POT1: variants seen among roughly 807,000 people sequenced by gnomAD.
The protein encoded by POT1 is protection of telomeres 1.
Under a neutral mutation model 78.5 loss-of-function variants are expected in POT1, and 47 were observed. The observed-to-expected ratio is 0.60, with a 90% CI of 0.47 to 0.76. The LOEUF (loss-of-function observed/expected upper bound fraction) is 0.76, where lower values mean the gene tolerates loss of function less well. Ranked by LOEUF, POT1 falls within the 30% of genes least tolerant of loss-of-function variation. The pLI is 0.00. For synonymous variants in POT1, 259 were observed against 260.7 expected (o/e 0.99, Z 0.06); for missense variants, 646 against 749.9 (o/e 0.86, Z 1.62).
intron 18 of POT1, among the ~76,000 whole-genome samples, chr7:124,824,700 A>G (rs944674179): frequency 1.3e-5 from 2 of 152,126 alleles, no homozygotes; most frequent in South Asian, 4.1e-4. Context: ...AAGTTTCAAC[A>G]TAAGTACAAA....
chr7:124,919,598 C>T (rs1235945537), intron 2 of POT1, among the ~76,000 whole-genome samples: 1 of 151,980 alleles, frequency 6.6e-6, no homozygotes, highest in Non-Finnish European at 1.5e-5. Flanking sequence ...CACACAGAAA[C>T]ACAACAGAGT....
At chr7:124,833,872 T>C (rs148726970) in intron 15 of POT1, among the ~76,000 whole-genome samples, 116 of 152,340 alleles carry the variant, frequency 7.6e-4, no homozygotes, top group Non-Finnish European at 1.3e-4. Context: ...ATGCTGAACA[T>C]ATAGTAACCA....
intron 9 of POT1, among the ~76,000 whole-genome samples, chr7:124,855,808 T>C (rs901598798): frequency 6.6e-6 from 1 of 152,018 alleles, no homozygotes; most frequent in African/African-American, 2.4e-5. Context: ...TGAATATGTC[T>C]CAAAATAGCC....
At position 124,910,764 on chromosome 7, in the gene POT1, T is replaced by C. The variant is rs189775673; in HGVS notation, c.-154+4810A>G. ...ACATCATACCTCAAAACATCTAAAA[T>C]GTTAACTAGAAAAACCCTTTAAGTT... On this transcript the variant is annotated intron_variant, in intron 3 of 18. Coordinates refer to ENST00000357628, the MANE Select transcript of POT1 (RefSeq NM_015450.3). 2.5e-3 allele frequency among the ~76,000 whole-genome samples: 377 copies of C among 152,094 alleles called. 1 individual carries two copies. Among genetic ancestry groups the C allele is most frequent in the African/African-American group, 8.9e-3 (368 of 41,568 alleles).
intron 17 of POT1, 96 bp downstream of exon 17, chr7:124,827,118 A>C: frequency 1.7e-6 from 1 of 581,782 alleles, no homozygotes; most frequent in Non-Finnish European, 2.6e-6. Flanking sequence ...AGGTGCCTTA[A>C]GTCCTTTTAG....
intron 2 of POT1, among the ~76,000 whole-genome samples, chr7:124,921,683 CAAAG>C (rs1425991852): frequency 1.3e-5 from 2 of 151,724 alleles, no homozygotes; most frequent in Non-Finnish European, 2.9e-5. Flanking sequence ...TCAGTGAACT[CAAAG>C]AGAGAGCAAC....
chr7:124,904,542 C>A (rs964884619), intron 3 of POT1, among the ~76,000 whole-genome samples: 1 of 152,148 alleles, frequency 6.6e-6, no homozygotes, highest in African/African-American at 2.4e-5. Flanking sequence ...CAATATCATA[C>A]TGAATGGGCA....
At chr7:124,830,208 T>C (rs1370715390) in intron 15 of POT1, among the ~76,000 whole-genome samples, 2 of 152,240 alleles carry the variant, frequency 1.3e-5, no homozygotes, top group Non-Finnish European at 2.9e-5. Context: ...AAGTTGTGCA[T>C]TGTGTAGTAC....
chr7:124,882,176 T>C (rs144880198), intron 6 of POT1, among the ~76,000 whole-genome samples: 1 of 152,104 alleles, frequency 6.6e-6, no homozygotes, highest in Non-Finnish European at 1.5e-5. Context: ...CATGCATAAA[T>C]TACACAATCC....
intron 15 of POT1, among the ~76,000 whole-genome samples, chr7:124,832,995 G>C (rs1794806531): frequency 6.6e-6 from 1 of 152,064 alleles, no homozygotes. Context: ...AAGAACAAAA[G>C]CAAGTGAGCG....
chr7:124,829,413 G>A, intron 15 of POT1, 71 bp from the exon 16 acceptor site: 1 of 892,522 alleles, frequency 1.1e-6, no homozygotes, highest in South Asian at 1.6e-5. Context: ...ACTTTTTACT[G>A]CTCAAACATG....
intron 18 of POT1, 100 bp downstream of exon 18, chr7:124,825,152 G>C (rs1794598740): frequency 1.5e-6 from 1 of 650,118 alleles, no homozygotes; most frequent in African/African-American, 1.8e-5. Context: ...AAATCATTTG[G>C]AAGCAAAGCT....
intron 12 of POT1, among the ~76,000 whole-genome samples, chr7:124,846,158 T>C (rs375555245): frequency 1.7e-5 from 1 of 59,222 alleles, no homozygotes; most frequent in African/African-American, 6.3e-5. Flanking sequence ...CACACATTCA[T>C]ACTGACACAC....
intron 15 of POT1, among the ~76,000 whole-genome samples, chr7:124,831,317 T>C (rs1794752978): frequency 6.6e-6 from 1 of 152,202 alleles, no homozygotes. Context: ...ATCCAGTAAT[T>C]CTAATTTCAG....
At chr7:124,848,147 A>G (rs1008833608) in intron 11 of POT1, among the ~76,000 whole-genome samples, 4 of 152,202 alleles carry the variant, frequency 2.6e-5, no homozygotes, top group Non-Finnish European at 5.9e-5. Context: ...CTAGAACAGC[A>G]AATCTAGAGG....
chr7:124,842,853 T>C lies in POT1; in HGVS notation c.1117A>G (p.Arg373Gly), dbSNP rs971657671. 1 of 1,606,868 alleles carries C rather than the reference T, an allele frequency of 6.2e-7. No homozygotes were observed. Among genetic ancestry groups the C allele is most frequent in the African/African-American group, 1.3e-5 (1 of 74,468 alleles). ...TGAAGTTTAACAGACTGAAATAGTCTTCTGGGCTTATATGACCTCAATTTT... is the reference window on the plus strand; with the variant it reads ...TGAAGTTTAACAGACTGAAATAGTCCTCTGGGCTTATATGACCTCAATTTT... The part of the protein sequence containing the change: ...RAKLRSYKPR[R>G]LFQSVKLHCP... The change falls in exon 13 of 19, where the codon AGA (arginine) becomes GGA (glycine). Residue 373 changes from arginine to glycine, a missense_variant. By Grantham distance (125) the Arg-to-Gly change is moderately radical. Around this residue, in one of 2 missense-constraint regions of POT1, gnomAD observed 394 missense variants for 408.4 expected, o/e 0.96. Transcript: ENST00000357628.
intron 8 of POT1, among the ~76,000 whole-genome samples, chr7:124,860,829 C>T (rs1394788023): frequency 6.6e-6 from 1 of 152,032 alleles, no homozygotes; most frequent in African/African-American, 2.4e-5. Flanking sequence ...CATTGTTCAA[C>T]TCCCACTTAT....
chr7:124,916,221 A>T (rs542219653), intron 2 of POT1, among the ~76,000 whole-genome samples: 1 of 152,166 alleles, frequency 6.6e-6, no homozygotes, highest in African/African-American at 2.4e-5. Flanking sequence ...TTAGCCTCCC[A>T]GGCTAATATT....
chr7:124,919,897 C>T lies in POT1; in HGVS notation c.-226-4251G>A, dbSNP rs144337974. Among the ~76,000 whole-genome samples the T allele has an allele frequency of 5.3e-5, 8 of 149,864 alleles. 1 individual carries two copies. The East Asian group carries it at 1.6e-3, about 29-fold the overall frequency. ...TGTGCACGTTATGTACCTGTCCCTGCCCCCATGGGACTTGGGGAGGAAAGA... is the reference window on the plus strand; with the variant it reads ...TGTGCACGTTATGTACCTGTCCCTGTCCCCATGGGACTTGGGGAGGAAAGA... On this transcript the variant is annotated intron_variant, in intron 2 of 18. Coordinates refer to ENST00000357628, the MANE Select transcript of POT1 (RefSeq NM_015450.3).
Sources: allele counts gnomAD v4.1 joint callset (sites outside exome capture counted in the v4.1 genomes callset), GRCh38; gene constraint gnomAD v4.1.1; regional missense constraint gnomAD v4.1.1; transcripts MANE v1.5; gene names NCBI Gene and HGNC (gene_info 2026-07-23, HGNC 2026-07-21).